Variants in FAF1 observed in about 807,000 individuals in gnomAD.
FAF1 encodes the protein FAS-associated factor 1.
In FAF1, 25 loss-of-function variants were observed where a neutral mutation model predicts 92.5. The observed-to-expected ratio is 0.27, with a 90% CI of 0.20 to 0.38. The LOEUF is 0.38. Ranked by LOEUF, FAF1 falls within the 10% of genes least tolerant of loss-of-function variation. The pLI is 1.00. For synonymous variants in FAF1, 234 were observed against 273.2 expected (o/e 0.86, Z 1.42); for missense variants, 636 against 793.3 (o/e 0.80, Z 2.38).
chr1:50,644,101 G>A (rs539623989), intron 8 of FAF1, among the ~76,000 whole-genome samples: 4 of 152,208 alleles, frequency 2.6e-5, no homozygotes, highest in East Asian at 1.9e-4. Flanking sequence ...CTGCTTGTTC[G>A]TATGTGCAGT....
chr1:50,882,183 C>T (rs1274155336), intron 1 of FAF1, among the ~76,000 whole-genome samples: 1 of 152,014 alleles, frequency 6.6e-6, no homozygotes, highest in African/African-American at 2.4e-5. Context: ...AAGCCTAAGC[C>T]CTAAATTAAG....
intron 8 of FAF1, among the ~76,000 whole-genome samples, chr1:50,613,713 A>C (rs1281833570): frequency 6.6e-6 from 1 of 152,222 alleles, no homozygotes; most frequent in Non-Finnish European, 1.5e-5. Context: ...AGAAATAGTA[A>C]GTAATCACTC....
intron 4 of FAF1, among the ~76,000 whole-genome samples, chr1:50,774,808 C>A (rs80138357): frequency 1.6e-3 from 249 of 152,224 alleles, no homozygotes; most frequent in African/African-American, 5.7e-3. Context: ...TACTTCACAT[C>A]AGACACCATT....
At chr1:50,662,682 T>A (rs1254389650) in intron 7 of FAF1, among the ~76,000 whole-genome samples, 1 of 114,796 alleles carries the variant, frequency 8.7e-6, no homozygotes, top group African/African-American at 3.2e-5. Flanking sequence ...TGAATTTGTA[T>A]CTTTTTTTTT....
intron 2 of FAF1, among the ~76,000 whole-genome samples, chr1:50,813,539 C>T (rs957666008): frequency 1.3e-5 from 2 of 152,152 alleles, no homozygotes. Context: ...TAGCTCACTG[C>T]AGCCTCAACC....
chr1:50,896,378 T>A (rs1644758101), intron 1 of FAF1, among the ~76,000 whole-genome samples: 1 of 152,204 alleles, frequency 6.6e-6, no homozygotes, highest in Non-Finnish European at 1.5e-5. Context: ...CTACAGTGTA[T>A]GCCTGTATCA....
intron 8 of FAF1, among the ~76,000 whole-genome samples, chr1:50,629,261 C>T (rs1204883808): frequency 1.3e-5 from 2 of 151,542 alleles, no homozygotes; most frequent in East Asian, 3.9e-4. Flanking sequence ...CCTCCGCCTC[C>T]CGCGTTCAAG....
intron 18 of FAF1, among the ~76,000 whole-genome samples, chr1:50,473,643 T>C: frequency 6.6e-6 from 1 of 152,208 alleles, no homozygotes; most frequent in East Asian, 1.9e-4. Context: ...TATGCAGGCA[T>C]GTGTTCCCTT....
chr1:50,668,859 G>A (rs538828106), intron 7 of FAF1, among the ~76,000 whole-genome samples: 1 of 152,230 alleles, frequency 6.6e-6, no homozygotes, highest in South Asian at 2.1e-4. Flanking sequence ...TTAACCACAT[G>A]ATTCATTAAA....
intron 8 of FAF1, among the ~76,000 whole-genome samples, chr1:50,604,943 G>A (rs1016536361): frequency 2.6e-5 from 4 of 152,166 alleles, no homozygotes; most frequent in African/African-American, 9.6e-5. Flanking sequence ...AATTTTAAAT[G>A]CTCCTGACTT....
chr1:50,905,872 CTTTAG>C (rs1230169312), intron 1 of FAF1, among the ~76,000 whole-genome samples: 6 of 152,144 alleles, frequency 3.9e-5, no homozygotes, highest in African/African-American at 9.7e-5. Context: ...TGCAGAAGCT[CTTTAG>C]TTTAATTAGA....
chr1:50,724,824 T>C (rs926497428), intron 6 of FAF1, among the ~76,000 whole-genome samples: 1 of 152,226 alleles, frequency 6.6e-6, no homozygotes, highest in Non-Finnish European at 1.5e-5. Flanking sequence ...TCTACCATTT[T>C]TTTTACCCAT....
At chr1:50,704,989 T>C (rs763673902) in intron 7 of FAF1, among the ~76,000 whole-genome samples, 12 of 152,212 alleles carry the variant, frequency 7.9e-5, no homozygotes, top group Non-Finnish European at 4.4e-5. Context: ...TATAAAATAA[T>C]CCAAGATTAA....
intron 3 of FAF1, among the ~76,000 whole-genome samples, chr1:50,800,782 C>A (rs1352166867): frequency 6.6e-6 from 1 of 152,124 alleles, no homozygotes; most frequent in African/African-American, 2.4e-5. Flanking sequence ...CGACCTCATT[C>A]CTAATCTGCT....
rs78167265 is a variant in FAF1, at chr1:50,525,978, C to G, written c.1494+9391G>C. Reference sequence around the variant, plus strand: ...ACATGATACTCACCCAGATGCAAACCACAAACTTTAGGAAAATTTTTAAGA... The same window carrying G: ...ACATGATACTCACCCAGATGCAAACGACAAACTTTAGGAAAATTTTTAAGA... On this transcript the variant is annotated intron_variant, in intron 15 of 18. Transcript: ENST00000396153. Among the ~76,000 whole-genome samples the G allele has an allele frequency of 3.1e-3, 467 of 152,122 alleles. 4 individuals carry two copies. The highest frequency in any genetic ancestry group is 0.011 in the African/African-American group (445 of 41,472).
At chr1:50,519,392 G>A (rs1260994139) in intron 15 of FAF1, among the ~76,000 whole-genome samples, 31 of 113,740 alleles carry the variant, frequency 2.7e-4, no homozygotes, top group African/African-American at 9.1e-4. Context: ...GGGAGGGAGG[G>A]AGGGAAGGAG....
intron 5 of FAF1, among the ~76,000 whole-genome samples, chr1:50,739,333 C>T (rs972585550): frequency 8.6e-5 from 13 of 151,874 alleles, no homozygotes; most frequent in African/African-American, 2.4e-4. Flanking sequence ...TACATGTGTA[C>T]ACGTACATGC....
intron 18 of FAF1, among the ~76,000 whole-genome samples, chr1:50,460,264 A>AT (rs1417294094): frequency 3.9e-5 from 6 of 152,158 alleles, no homozygotes; most frequent in Admixed American, 3.3e-4. Flanking sequence ...TTTTGTTCAC[A>AT]TTTCTGCTGC....
intron 7 of FAF1, among the ~76,000 whole-genome samples, chr1:50,668,104 C>A (rs972424762): frequency 6.6e-6 from 1 of 152,114 alleles, no homozygotes; most frequent in African/African-American, 2.4e-5. Context: ...AAAACAAAGA[C>A]AACAAAGGGA....
Sources: allele counts gnomAD v4.1 joint callset (sites outside exome capture counted in the v4.1 genomes callset), GRCh38; gene constraint gnomAD v4.1.1; transcripts MANE v1.5; gene names NCBI Gene and HGNC (gene_info 2026-07-23, HGNC 2026-07-21).